SIGLEC11: variants seen among roughly 807,000 people sequenced by gnomAD.
The protein encoded by SIGLEC11 is sialic acid-binding Ig-like lectin 11.
Under a neutral mutation model 61.2 loss-of-function variants are expected in SIGLEC11, and 47 were observed. The observed-to-expected ratio is 0.77, with a 90% confidence interval of 0.61 to 0.98. SIGLEC11 has a LOEUF of 0.98. Among genes scored for constraint, SIGLEC11 ranks in the 50% least tolerant of loss-of-function variants. The probability of loss-of-function intolerance (pLI) is 0.00; values close to 1 mark genes in which losing one functional copy is unlikely to be tolerated. For synonymous variants in SIGLEC11, 278 were observed against 373.1 expected, an observed-to-expected ratio of 0.75 and a Z score of 2.94; for missense variants, 610 against 870.3, an observed-to-expected ratio of 0.70 and a Z score of 3.76.
intron 5 of SIGLEC11, 32 bp from the exon 6 acceptor site, chr19:49,959,109 A>T: frequency 6.2e-7 from 1 of 1,613,014 alleles, no homozygotes; most frequent in South Asian, 1.1e-5. Flanking sequence ...GGCTCTAGAC[A>T]GACCAGGGGC....
chr19:49,959,176 T>A, intron 5 of SIGLEC11, 99 bp from the exon 6 acceptor site: 2 of 1,577,476 alleles, frequency 1.3e-6, no homozygotes, highest in Non-Finnish European at 1.7e-6. Flanking sequence ...GTGGGTGGGA[T>A]AGAAGGGCAG....
chr19:49,951,863 C>A lies in SIGLEC11; in HGVS notation c.1830+28G>T, dbSNP rs1178320880. 6.4e-7 allele frequency: 1 copy of A among 1,551,742 alleles called. No homozygotes were observed. Among genetic ancestry groups the A allele is most frequent in the Admixed American group, 1.9e-5 (1 of 52,164 alleles). On this transcript the variant is annotated intron_variant, in intron 10 of 10. Coordinates refer to ENST00000447370, the MANE Select transcript of SIGLEC11 (RefSeq NM_052884.3). The surrounding 1 kb of genome is among the most constrained non-coding windows in gnomAD (Gnocchi z 4.6). ...ATCAAGGAAAGGGGAACAGGCAGGG[C>A]CCCAGCAGACAGAGGCTGGGCTCTC...
At chr19:49,953,645 C>T (rs1819210848) in intron 8 of SIGLEC11, among the ~76,000 whole-genome samples, 1 of 151,620 alleles carries the variant, frequency 6.6e-6, no homozygotes, top group Admixed American at 6.6e-5. Flanking sequence ...GTGGGGCCAA[C>T]TAAGACTAGT....
At chr19:49,952,823 C>T (rs766091392) in intron 8 of SIGLEC11, among the ~76,000 whole-genome samples, 23 of 152,142 alleles carry the variant, frequency 1.5e-4, no homozygotes, top group Non-Finnish European at 3.1e-4. Flanking sequence ...TACAAGGCCA[C>T]CAGCTATGCA....
chr19:49,958,838 C>T lies in SIGLEC11; in HGVS notation c.1168G>A (p.Val390Ile), dbSNP rs376377903. ...GGGGGGCTGCTGTGGGTGACACAGACCAGGCGCAGGCTTTGGCCCTCCAGG... is the reference window on the plus strand; with the variant it reads ...GGGGGGCTGCTGTGGGTGACACAGATCAGGCGCAGGCTTTGGCCCTCCAGG... Reference protein sequence around the residue: ...PVLEGQSLRLVCVTHSSPPAR... With the variant: ...PVLEGQSLRLICVTHSSPPAR... The change falls in exon 7 of 11, where the codon GTC becomes ATC. Residue 390 changes from valine to isoleucine, a missense_variant. Transcript: ENST00000447370. 6.2e-7 allele frequency: 1 copy of T among 1,611,600 alleles called. No individual in the cohort carries two copies. Among genetic ancestry groups the T allele is most frequent in the African/African-American group, 1.3e-5 (1 of 74,992 alleles).
At chr19:49,953,930 C>T (rs56139473) in intron 8 of SIGLEC11, among the ~76,000 whole-genome samples, 3,611 of 152,232 alleles carry the variant, frequency 0.024, 133 homozygotes, top group African/African-American at 0.083. Context: ...AGGTTGAGAA[C>T]TCTCTTTGAA....
At position 49,951,432 on chromosome 19, in the gene SIGLEC11, C is replaced by T. The variant is rs568037068; in HGVS notation, c.1830+459G>A. On this transcript the variant is annotated intron_variant, in intron 10 of 10. Transcript: ENST00000447370. This position sits in a 1 kb window ranked among gnomAD's most constrained non-coding sequence, Gnocchi z 4.6. ...GGATCACAGCTCTCAGTGAGTCCTG[C>T]GAGTCCTAGGGGGTTATCCAACCTC... 3.3e-5 allele frequency among the ~76,000 whole-genome samples: 5 copies of T among 152,282 alleles called. No homozygotes were observed. Among genetic ancestry groups the T allele is most frequent in the South Asian group, 2.1e-4 (1 of 4,828 alleles).
rs768316332 is a variant in SIGLEC11, at chr19:49,958,483, G to C, written c.1451C>G (p.Ser484Cys). 13 of 1,611,980 alleles carry C rather than the reference G, an allele frequency of 8.1e-6. No homozygotes were observed. Among genetic ancestry groups the C allele is most frequent in the African/African-American group, 1.3e-5 (1 of 75,020 alleles). ...SCSSQASPAPSLRWWLGEELL... is the reference protein window; with the variant it reads ...SCSSQASPAPCLRWWLGEELL... Reference sequence around the variant, plus strand: ...CTCCTCCCCAAGCCACCAGCGCAGAGAGGGGGCCGGGCTGGCCTGGGAGGA... The same window carrying C: ...CTCCTCCCCAAGCCACCAGCGCAGACAGGGGGCCGGGCTGGCCTGGGAGGA... The change falls in exon 8 of 11, where the codon TCT becomes TGT. Residue 484 changes from serine (S) to cysteine (C), a missense_variant. Physicochemically the swap from Ser to Cys is moderately radical, Grantham distance 112 (BLOSUM62 -1). Coordinates refer to ENST00000447370, the MANE Select transcript of SIGLEC11 (RefSeq NM_052884.3).
chr19:49,958,665 G>C lies in SIGLEC11; in HGVS notation c.1341C>G (p.Val447=). The change falls in exon 7 of 11, where the codon GTC becomes GTG. Residue 447 remains valine, a synonymous_variant. Coordinates refer to ENST00000447370, the MANE Select transcript of SIGLEC11 (RefSeq NM_052884.3). ...HAQHPLGSQH[V]SLSLSVHYPP... is the part of the protein sequence containing the mutation. ...CACAGTGCACGGAGAGGCTGAGAGA[G>C]ACGTGCTGGGAGCCCAGAGGGTGCT... 1 of 1,603,280 alleles carries C rather than the reference G, an allele frequency of 6.2e-7. No individual in the cohort carries two copies.
chr19:49,955,609 G>A lies in SIGLEC11; in HGVS notation c.1651+2674C>T, dbSNP rs906817153. The stretch of plus-strand genomic sequence containing the variant: ...AGCAGAACATAGGCTTAAAAAAAAA[G>A]GCCAATCTGTTGGCAGCAGCCCTCA... On this transcript the variant is annotated intron_variant, in intron 8 of 10. Coordinates refer to ENST00000447370, the MANE Select transcript of SIGLEC11 (RefSeq NM_052884.3). This position sits in a 1 kb window ranked among gnomAD's most constrained non-coding sequence, Gnocchi z 4.5. Among the ~76,000 whole-genome samples, 2 of 152,144 alleles carry A rather than the reference G, an allele frequency of 1.3e-5. No individual in the cohort carries two copies. Among genetic ancestry groups the A allele is most frequent in the African/African-American group, 4.8e-5 (2 of 41,440 alleles).
Position 49,958,329 on chromosome 19 carries a change from C to T in SIGLEC11, c.1605G>A (p.Trp535Ter). Residue 535 changes from tryptophan to a stop codon, truncating the protein, a stop_gained, in exon 8 of 11, where the codon TGG (tryptophan) becomes TGA (stop). Coordinates refer to ENST00000447370, the MANE Select transcript of SIGLEC11 (RefSeq NM_052884.3). LOFTEE classifies it high-confidence loss of function. ...SSGLRLRCKA[W>*]NVHGAQSGSV... ...AGCCACTCTGGGCCCCGTGGACGTT[C>T]CAGGCCTTACAGCGGAGCCTGAGGC... 2.5e-6 allele frequency: 4 copies of T among 1,614,224 alleles called. No individual in the cohort carries two copies. Among genetic ancestry groups the T allele is most frequent in the Non-Finnish European group, 3.4e-6 (4 of 1,180,044 alleles).
At chr19:49,954,002 T>C (rs538661308) in intron 8 of SIGLEC11, among the ~76,000 whole-genome samples, 6 of 152,260 alleles carry the variant, frequency 3.9e-5, no homozygotes, top group Non-Finnish European at 5.9e-5. Flanking sequence ...TAGGAAACAA[T>C]TGGGCATGTA....
Position 49,959,042 on chromosome 19 carries a change from C to T in SIGLEC11, c.1093G>A (p.Ala365Thr). Residue 365 changes from alanine (A) to threonine (T), a missense_variant, in exon 6 of 11, where the codon GCA (alanine) becomes ACA (threonine). Ala to Thr is a moderately conservative substitution (Grantham distance 58). Coordinates refer to ENST00000447370, the MANE Select transcript of SIGLEC11 (RefSeq NM_052884.3). ...PENLRVMVSQ[A>T]NRTVLENLGN... ...TCTCCTTTCCTACCTGTCCTGTTTG[C>T]TTGGGAAACCATCACTCTCAGGTTC... is the stretch of plus-strand genomic sequence containing the variant. 6.2e-7 allele frequency: 1 copy of T among 1,613,900 alleles called. No homozygotes were observed. Among genetic ancestry groups the T allele is most frequent in the Admixed American group, 1.7e-5 (1 of 60,014 alleles).
chr19:49,951,964 A>T lies in SIGLEC11; in HGVS notation c.1757T>A (p.Ile586Asn). ...CSCLVVFRVK[I>N]CRKEARKRAA... ...CCTCTTGCGAGCTTCCTTCCTGCAGATCTTCACCCTGAGGGAGGAGGCAGT... is the reference window on the plus strand; with the variant it reads ...CCTCTTGCGAGCTTCCTTCCTGCAGTTCTTCACCCTGAGGGAGGAGGCAGT... The change falls in exon 10 of 11, where the codon ATC becomes AAC. Residue 586 changes from isoleucine (I) to asparagine (N), a missense_variant. By Grantham distance (149) the Ile-to-Asn change is moderately radical (BLOSUM62 -3). Coordinates refer to ENST00000447370, the MANE Select transcript of SIGLEC11 (RefSeq NM_052884.3). This position sits in a 1 kb window ranked among gnomAD's most constrained non-coding sequence, Gnocchi z 4.6. The T allele has an allele frequency of 6.2e-7, 1 of 1,610,218 alleles. No individual in the cohort carries two copies. Among genetic ancestry groups the T allele is most frequent in the South Asian group, 1.1e-5 (1 of 90,580 alleles).
At position 49,961,135 on chromosome 19, in the gene SIGLEC11, G is replaced by C. The variant is rs2076245128; in HGVS notation, c.-54C>G. On this transcript the variant is annotated 5_prime_UTR_variant, in exon 1 of 11. Transcript: ENST00000447370. ...GGAAACTCCTCCAGCAGGAAGCCTG[G>C]TGGAGGGGCAGTGACCATCCACAGA... The C allele has an allele frequency of 4.0e-6, 6 of 1,512,134 alleles. No homozygotes were observed. Among genetic ancestry groups the C allele is most frequent in the Non-Finnish European group, 5.3e-6 (6 of 1,137,674 alleles). The allele number at this position is 1,512,134 out of a possible 1,614,324, so 93.7% of individuals were successfully genotyped here.
At chr19:49,954,031 G>A (rs1255013633) in intron 8 of SIGLEC11, among the ~76,000 whole-genome samples, 3 of 152,120 alleles carry the variant, frequency 2.0e-5, no homozygotes, top group Admixed American at 1.3e-4. Context: ...GGTGATAGGG[G>A]TCTGAGGACA....
In SIGLEC11 at chr19:49,958,899, G is replaced by C. The variant is rs777391973; in HGVS notation, c.1107C>G (p.Val369=). Residue 369 remains valine, a splice_region_variant and synonymous_variant, in exon 7 of 11, where the codon GTC becomes GTG. Coordinates refer to ENST00000447370, the MANE Select transcript of SIGLEC11 (RefSeq NM_052884.3). ...RVMVSQANRT[V]LENLGNGTSL... ...ATGTGCCGTTCCCGAGGTTTTCCAG[G>C]ACTAGGGAAGGAAGAGGCAGAATCG... 5 of 1,601,914 alleles carry C rather than the reference G, an allele frequency of 3.1e-6. No individual in the cohort carries two copies. In the Admixed American group the frequency reaches 8.5e-5, roughly 27 times the overall value.
At chr19:49,957,178 G>T (rs796711124) in intron 8 of SIGLEC11, among the ~76,000 whole-genome samples, 1 of 152,106 alleles carries the variant, frequency 6.6e-6, no homozygotes. Flanking sequence ...ATAGCAGCTA[G>T]GCAAACTACC....
In SIGLEC11 at chr19:49,958,324, A is replaced by G. The variant is rs777794233; in HGVS notation, c.1610T>C (p.Val537Ala). 25 of 1,614,186 alleles carry G rather than the reference A, an allele frequency of 1.5e-5. No homozygotes were observed. The South Asian group carries it at 2.6e-4, about 17-fold the overall frequency. Residue 537 changes from valine (V) to alanine (A), a missense_variant, in exon 8 of 11, where the codon GTC (valine) becomes GCC (alanine). Physicochemically the swap from Val to Ala is moderately conservative, Grantham distance 64 (BLOSUM62 0). Around this residue, in one of 6 missense-constraint regions of SIGLEC11, gnomAD observed 432 missense variants for 441.5 expected, o/e 0.98. Coordinates refer to ENST00000447370, the MANE Select transcript of SIGLEC11 (RefSeq NM_052884.3). ...GLRLRCKAWN[V>A]HGAQSGSVFQ... ...GACAGAGCCACTCTGGGCCCCGTGG[A>G]CGTTCCAGGCCTTACAGCGGAGCCT... is the stretch of plus-strand genomic sequence containing the variant.
Sources: allele counts gnomAD v4.1 joint callset (sites outside exome capture counted in the v4.1 genomes callset), GRCh38; gene constraint gnomAD v4.1.1; regional missense constraint gnomAD v4.1.1; non-coding constraint Gnocchi (gnomAD v3.1); transcripts MANE v1.5; gene names NCBI Gene and HGNC (gene_info 2026-07-23, HGNC 2026-07-21).